UNKL: variants seen among roughly 807,000 people sequenced by gnomAD.
UNKL encodes the protein putative E3 ubiquitin-protein ligase UNKL.
A neutral mutation model predicts 78.0 loss-of-function variants in UNKL; 60 were observed. That is an observed-to-expected ratio of 0.77 (90% confidence interval 0.63 to 0.95). The LOEUF (loss-of-function observed/expected upper bound fraction) is 0.95. Among genes scored for constraint, UNKL ranks in the 40% least tolerant of loss-of-function variants. UNKL has a pLI of 0.00. For missense variants in UNKL, 1,159 were observed against 1,045.7 expected (o/e 1.11, Z -1.49); for synonymous variants, 608 against 474.8 (o/e 1.28, Z -3.65).
At chr16:1,372,255 T>A (rs536417116) in intron 10 of UNKL, among the ~76,000 whole-genome samples, 1 of 151,800 alleles carries the variant, frequency 6.6e-6, no homozygotes, top group African/African-American at 2.4e-5. Flanking sequence ...CAGAGCAAGA[T>A]TCCATCTCAA....
chr16:1,394,432 G>A (rs1288902527), intron 6 of UNKL: 1 of 695,024 alleles, frequency 1.4e-6, no homozygotes, highest in Non-Finnish European at 2.6e-6. Flanking sequence ...CACACATGTG[G>A]GGCCATTCCC....
chr16:1,390,579 T>G, intron 9 of UNKL, 53 bp downstream of exon 9: 1 of 1,524,010 alleles, frequency 6.6e-7, no homozygotes, highest in Non-Finnish European at 8.8e-7. Flanking sequence ...GCGGGAAGCC[T>G]CAGCCCTAAC....
At chr16:1,400,295 G>GT (rs2037461824) in intron 4 of UNKL, among the ~76,000 whole-genome samples, 1 of 151,796 alleles carries the variant, frequency 6.6e-6, no homozygotes, top group Non-Finnish European at 1.5e-5. Flanking sequence ...GTGCCTGCCT[G>GT]TAATCCCAGC....
chr16:1,385,256 G>A lies in UNKL; in HGVS notation c.1216C>T (p.Arg406Cys), dbSNP rs901832537. 2.9e-5 allele frequency: 39 copies of A among 1,324,084 alleles called. No individual in the cohort carries two copies. Among genetic ancestry groups the A allele is most frequent in the African/African-American group, 2.2e-4 (14 of 64,890 alleles). 82.0% of individuals were successfully genotyped at this position (1,324,084 alleles called of 1,614,324 possible). ...CTGGCGGGGCCGAGCGGGAGGGCAC[G>A]GGCGGGGGGCGCGGGCAGCGCAGTG... ...SPTALPAPPA[R>C]ALPLGPASST... The change falls in exon 10 of 15, where the codon CGT becomes TGT. Residue 406 changes from arginine (R) to cysteine (C), a missense_variant. Transcript: ENST00000389221.
intron 9 of UNKL, among the ~76,000 whole-genome samples, chr16:1,388,129 C>G (rs770198578): frequency 1.4e-4 from 22 of 152,170 alleles, no homozygotes; most frequent in Non-Finnish European, 2.8e-4. Flanking sequence ...ACCAAGAAGC[C>G]GTGGACGACG....
In UNKL at chr16:1,403,231, T is replaced by C; in HGVS notation, c.401A>G (p.Asn134Ser). 6.2e-7 allele frequency: 1 copy of C among 1,614,110 alleles called. No individual in the cohort carries two copies. The highest frequency in any genetic ancestry group is 2.2e-5 in the East Asian group (1 of 44,866). ...ETDARGHCVK[N>S]GLHCAFAHGP... ...GTGCGCGAAGGCACAGTGCAGCCCA[T>C]TCTTCACGCAGTGGCCACGTGCGTC... Residue 134 changes from asparagine to serine, a missense_variant, in exon 3 of 15, where the codon AAT becomes AGT. Transcript: ENST00000389221. The surrounding 1 kb of genome is among the most constrained non-coding windows in gnomAD (Gnocchi z 4.8).
At chr16:1,367,604 T>C in intron 13 of UNKL, 52 bp downstream of exon 13, 2 of 827,224 alleles carry the variant, frequency 2.4e-6, no homozygotes, top group Non-Finnish European at 3.4e-6. Context: ...CTCACCTGAG[T>C]CCCCTGCGGC....
At chr16:1,367,573 CT>C in intron 13 of UNKL, 82 bp downstream of exon 13, 2 of 759,702 alleles carry the variant, frequency 2.6e-6, no homozygotes, top group Admixed American at 2.5e-5. Context: ...CCTCCCTCCC[CT>C]CCCATCTCAC....
chr16:1,367,182 C>A lies in UNKL; in HGVS notation c.1956G>T (p.Leu652=), dbSNP rs1260135920. 2 of 1,605,896 alleles carry A rather than the reference C, an allele frequency of 1.2e-6. No homozygotes were observed. Among genetic ancestry groups the A allele is most frequent in the Non-Finnish European group, 1.7e-6 (2 of 1,178,178 alleles). The change falls in exon 14 of 15, where the codon CTG becomes CTT. Residue 652 remains leucine (L), a synonymous_variant. Transcript: ENST00000389221. ...GLGVASTLPG[L]RGCGDIGTIP... is the part of the protein sequence containing the mutation. Reference sequence around the variant, plus strand: ...TGGTGCCGATGTCCCCACAGCCCCGCAGCCCCGGCAGTGTGGAGGCTACGC... The same window carrying A: ...TGGTGCCGATGTCCCCACAGCCCCGAAGCCCCGGCAGTGTGGAGGCTACGC...
chr16:1,366,444 G>C (rs762483097), intron 14 of UNKL, 49 bp from the exon 15 acceptor site: 35 of 1,503,310 alleles, frequency 2.3e-5, no homozygotes, highest in Non-Finnish European at 3.0e-5. Context: ...GCCCAGGCTG[G>C]GCCAGCTGGG....
intron 4 of UNKL, among the ~76,000 whole-genome samples, chr16:1,400,463 C>T (rs1428391690): frequency 8.2e-5 from 11 of 133,616 alleles, no homozygotes; most frequent in Non-Finnish European, 3.1e-5. Flanking sequence ...AAATCGCTGC[C>T]ATACGCAATG....
chr16:1,398,821 G>C, intron 5 of UNKL: 2 of 1,555,694 alleles, frequency 1.3e-6, no homozygotes, highest in East Asian at 2.4e-5. Context: ...CCACAAGCCA[G>C]ACCCAGGGGA....
At chr16:1,405,265 CAGGGAGGG>C (rs201148368) in intron 2 of UNKL, among the ~76,000 whole-genome samples, 1 of 131,428 alleles carries the variant, frequency 7.6e-6, no homozygotes, top group East Asian at 2.1e-4. Flanking sequence ...GAAAGAAAGA[CAGGGAGGG>C]AGGGAGGGAG....
In UNKL at chr16:1,387,197, C is replaced by G. The variant is rs1044359544; in HGVS notation, c.1087-1812G>C. On this transcript the variant is annotated intron_variant, in intron 9 of 14. Transcript: ENST00000389221. The surrounding 1 kb of genome is among the most constrained non-coding windows in gnomAD (Gnocchi z 4.1). ...GGGGACCCTCCCAGCCATGCAACAC[C>G]GGGGACACTCCCAGCCATGCAACAC... Among the ~76,000 whole-genome samples, 1 of 151,534 alleles carries G rather than the reference C, an allele frequency of 6.6e-6. No homozygotes were observed. The highest frequency in any genetic ancestry group is 2.4e-5 in the African/African-American group (1 of 40,978).
chr16:1,401,761 AG>A, intron 3 of UNKL, 60 bp from the exon 4 acceptor site: 1 of 1,549,734 alleles, frequency 6.5e-7, no homozygotes, highest in Non-Finnish European at 8.7e-7. Context: ...AGCTGAAACG[AG>A]GTCACTGGAG....
intron 2 of UNKL, among the ~76,000 whole-genome samples, chr16:1,410,026 C>T (rs2037965734): frequency 6.6e-6 from 1 of 151,954 alleles, no homozygotes; most frequent in South Asian, 2.1e-4. Context: ...GATACAGGAG[C>T]CCAGATCGCA....
intron 6 of UNKL, among the ~76,000 whole-genome samples, chr16:1,395,459 C>G (rs1325917117): frequency 6.6e-6 from 1 of 152,204 alleles, no homozygotes; most frequent in Admixed American, 6.5e-5. Flanking sequence ...AGCCACTGTG[C>G]CTGGCCTGTT....
intron 9 of UNKL, among the ~76,000 whole-genome samples, chr16:1,389,338 C>A (rs2036950791): frequency 6.6e-6 from 1 of 152,180 alleles, no homozygotes; most frequent in Non-Finnish European, 1.5e-5. Flanking sequence ...GTAATCCCAA[C>A]ACTTTGGGAG....
rs2036867615 is a variant in UNKL, at chr16:1,387,676, G to A, written c.1087-2291C>T. ...CAGCAGCTATCACTCAGAACCAAAA[G>A]CTCAGGATGGCAACGCACGGCCCTC... is the stretch of plus-strand genomic sequence containing the variant. On this transcript the variant is annotated intron_variant, in intron 9 of 14. Transcript: ENST00000389221. This position sits in a 1 kb window ranked among gnomAD's most constrained non-coding sequence, Gnocchi z 4.1. 6.6e-6 allele frequency among the ~76,000 whole-genome samples: 1 copy of A among 152,136 alleles called. No individual in the cohort carries two copies.
Sources: gnomAD v4.1 joint callset for allele counts (sites outside exome capture counted in the v4.1 genomes callset) on GRCh38, gnomAD v4.1.1 for gene constraint, Gnocchi (gnomAD v3.1) non-coding constraint, MANE v1.5 for transcripts, NCBI Gene and HGNC (gene_info 2026-07-23, HGNC 2026-07-21) for gene names.